Variants in PRSS55 observed in about 807,000 individuals in gnomAD.
PRSS55 encodes the protein probable serine protease UNQ9391/PRO34284.
Under a neutral mutation model 23.6 loss-of-function variants are expected in PRSS55, and 41 were observed. That is an observed-to-expected ratio of 1.74 (90% CI 1.35 to 2.26). PRSS55 has a LOEUF of 2.26. Among genes scored for constraint, PRSS55 ranks in the 30% most tolerant of loss-of-function variants. PRSS55 has a pLI of 0.00. For missense variants in PRSS55, 669 were observed against 439.1 expected (o/e 1.52, Z -4.68); for synonymous variants, 262 against 175.5 (o/e 1.49, Z -3.90).
intron 2 of PRSS55, among the ~76,000 whole-genome samples, chr8:10,530,747 T>A (rs1038926525): frequency 1.3e-5 from 2 of 152,180 alleles, no homozygotes; most frequent in African/African-American, 2.4e-5. Flanking sequence ...AGTTTCTTCA[T>A]GGCATAACCA....
chr8:10,538,550 G>A lies in PRSS55; in HGVS notation c.816G>A (p.Trp272Ter). 2 of 1,614,122 alleles carry A rather than the reference G, an allele frequency of 1.2e-6. No homozygotes were observed. Among genetic ancestry groups the A allele is most frequent in the Non-Finnish European group, 1.7e-6 (2 of 1,179,990 alleles). The change falls in exon 5 of 5, where the codon TGG (tryptophan) becomes TGA (stop). Residue 272 changes from tryptophan to a stop codon, truncating the protein, a stop_gained. Transcript: ENST00000328655. LOFTEE classifies it low-confidence loss of function (END_TRUNC). ...EKWYQVGIIS[W>*]GKSCGEKNTP... ...GGTACCAGGTGGGCATCATAAGCTGGGGAAAGAGCTGTGGAGAGAAGAACA... is the reference window on the plus strand; with the variant it reads ...GGTACCAGGTGGGCATCATAAGCTGAGGAAAGAGCTGTGGAGAGAAGAACA...
chr8:10,538,656 G>T lies in PRSS55; in HGVS notation c.922G>T (p.Ala308Ser). ...VTQLEGRPFN[A>S]EKRRTSVKQK... is the part of the protein sequence containing the mutation. The stretch of plus-strand genomic sequence containing the variant: ...CCAGCTAGAGGGCAGGCCCTTCAAT[G>T]CAGAGAAAAGGAGGACTTCTGTCAA... Residue 308 changes from alanine (A) to serine (S), a missense_variant, in exon 5 of 5, where the codon GCA (alanine) becomes TCA (serine). Coordinates refer to ENST00000328655, the MANE Select transcript of PRSS55 (RefSeq NM_198464.4). 1 of 1,614,168 alleles carries T rather than the reference G, an allele frequency of 6.2e-7. No individual in the cohort carries two copies. Among genetic ancestry groups the T allele is most frequent in the Non-Finnish European group, 8.5e-7 (1 of 1,180,038 alleles).
chr8:10,543,460 C>CTT (rs1812723606), downstream of PRSS55, among the ~76,000 whole-genome samples: 9 of 17,286 alleles, frequency 5.2e-4, no homozygotes, highest in Middle Eastern at 0.13. Flanking sequence ...TCCTTCCTTC[C>CTT]TTCCTTTCTT....
chr8:10,534,994 G>C (rs1226376397), intron 4 of PRSS55, among the ~76,000 whole-genome samples: 1 of 152,046 alleles, frequency 6.6e-6, no homozygotes, highest in African/African-American at 2.4e-5. Flanking sequence ...AAAATATCTA[G>C]GAATACAGAC....
At chr8:10,534,308 G>A (rs1203852199) in intron 4 of PRSS55, among the ~76,000 whole-genome samples, 1 of 152,146 alleles carries the variant, frequency 6.6e-6, no homozygotes, top group Non-Finnish European at 1.5e-5. Flanking sequence ...GAGATCCTCA[G>A]GTATTTCTTT....
chr8:10,542,792 G>T (rs985986473), downstream of PRSS55, among the ~76,000 whole-genome samples: 2 of 147,658 alleles, frequency 1.4e-5, no homozygotes, highest in Admixed American at 7.0e-5. Flanking sequence ...AGAATCGCTT[G>T]AACCCGGGAG....
At chr8:10,527,207 T>C (rs531147996) in intron 1 of PRSS55, among the ~76,000 whole-genome samples, 2 of 152,372 alleles carry the variant, frequency 1.3e-5, no homozygotes, top group South Asian at 4.1e-4. Flanking sequence ...AGCCTAACTT[T>C]GTGGCTGAGA....
At chr8:10,526,762 G>A (rs1040251220) in intron 1 of PRSS55, among the ~76,000 whole-genome samples, 4 of 152,226 alleles carry the variant, frequency 2.6e-5, no homozygotes, top group African/African-American at 7.2e-5. Context: ...TTTGGTGCAA[G>A]CACTTGTTGG....
In PRSS55 at chr8:10,538,613, C is replaced by G. The variant is rs73195184; in HGVS notation, c.879C>G (p.Leu293=). The G allele has an allele frequency of 1.2e-6, 2 of 1,614,144 alleles. No individual in the cohort carries two copies. Among genetic ancestry groups the G allele is most frequent in the East Asian group, 4.5e-5 (2 of 44,878 alleles). ...GIYTSLVNYN[L]WIEKVTQLEG... ...ACACCTCGTTGGTGAACTACAACCT[C>G]TGGATCGAGAAAGTGACCCAGCTAG... Residue 293 remains leucine (L), a synonymous_variant, in exon 5 of 5, where the codon CTC becomes CTG. Coordinates refer to ENST00000328655, the MANE Select transcript of PRSS55 (RefSeq NM_198464.4).
chr8:10,534,293 G>C (rs144466130), intron 4 of PRSS55, among the ~76,000 whole-genome samples: 74 of 152,312 alleles, frequency 4.9e-4, no homozygotes, highest in Middle Eastern at 3.4e-3. Context: ...AAAGTGGCCT[G>C]GCTGGAGATC....
chr8:10,542,003 C>A (rs886249841), downstream of PRSS55, among the ~76,000 whole-genome samples: 8 of 152,176 alleles, frequency 5.3e-5, no homozygotes, highest in African/African-American at 1.9e-4. Context: ...TCTCAAACTC[C>A]TGGGCTCAAG....
At position 10,532,957 on chromosome 8, in the gene PRSS55, T is replaced by A; in HGVS notation, c.650T>A (p.Met217Lys). 6.2e-7 allele frequency: 1 copy of A among 1,614,174 alleles called. No homozygotes were observed. Among genetic ancestry groups the A allele is most frequent in the Non-Finnish European group, 8.5e-7 (1 of 1,180,010 alleles). ...TDLMKAPMVI[M>K]DWEECSKMFP... ...CTGATGAAAGCGCCAATGGTCATCA[T>A]GGACTGGGAGGAGTGTTCAAAGATG... The change falls in exon 4 of 5, where the codon ATG becomes AAG. Residue 217 changes from methionine (M) to lysine (K), a missense_variant. Transcript: ENST00000328655.
rs765401698 is a variant in PRSS55 at position 10,538,483 on chromosome 8, G to A, written c.749G>A (p.Ser250Asn). Reference protein sequence around the residue: ...NESYDACKGDSGGPLVCTPEP... With the variant: ...NESYDACKGDNGGPLVCTPEP... ...TGTGTTCTCTGCCCACAGGGTGACA[G>A]TGGGGGGCCTCTGGTCTGCACCCCA... Residue 250 changes from serine (S) to asparagine (N), a missense_variant, in exon 5 of 5, where the codon AGT becomes AAT. Physicochemically the swap from Ser to Asn is conservative, Grantham distance 46. Coordinates refer to ENST00000328655, the MANE Select transcript of PRSS55 (RefSeq NM_198464.4). The A allele has an allele frequency of 2.0e-5, 33 of 1,612,454 alleles. No homozygotes were observed. Among genetic ancestry groups the A allele is most frequent in the Non-Finnish European group, 2.7e-5 (32 of 1,179,246 alleles).
rs1028277715 is a variant in PRSS55, at chr8:10,545,078, T to G, written c.742-8865T>G. 5 of 899,684 alleles carry G rather than the reference T, an allele frequency of 5.6e-6. No individual in the cohort carries two copies. The African/African-American group carries it at 7.2e-5, about 13-fold the overall frequency. 55.7% of individuals were successfully genotyped at this position (899,684 alleles called of 1,614,324 possible). A position where few individuals can be genotyped will look rare whatever the true frequency, so the allele number is the denominator to read the frequency against. On this transcript the variant is annotated intron_variant, in intron 4 of 4. Coordinates refer to the PRSS55 transcript ENST00000522210. ...ATCTGTGAGGAAAAAGACCAGGGCT[T>G]TTGGTTTTTGGTTTTGCTTCGAAAT...
chr8:10,530,710 T>C (rs1251871819), intron 2 of PRSS55, among the ~76,000 whole-genome samples: 3 of 152,150 alleles, frequency 2.0e-5, no homozygotes, highest in Non-Finnish European at 4.4e-5. Context: ...ACACTGATTT[T>C]AGAAGGTTAA....
chr8:10,531,820 GC>G (rs1812277463), intron 3 of PRSS55: 5 of 470,664 alleles, frequency 1.1e-5, no homozygotes, highest in South Asian at 5.4e-5. Flanking sequence ...TTAGCCAGAG[GC>G]CCCTCTACTC....
chr8:10,530,482 A>G (rs897268374), intron 2 of PRSS55, among the ~76,000 whole-genome samples: 1 of 152,248 alleles, frequency 6.6e-6, no homozygotes, highest in Non-Finnish European at 1.5e-5. Flanking sequence ...TCTCAAAAAA[A>G]GAAAAATAAA....
At position 10,554,079 on chromosome 8, in the gene PRSS55, A is replaced by G. The variant is rs1283552448; in HGVS notation, c.*47A>G. The G allele has an allele frequency of 3.1e-6, 4 of 1,288,598 alleles. No individual in the cohort carries two copies. The South Asian group carries it at 4.2e-5, about 13-fold the overall frequency. The allele number at this position is 1,288,598 out of a possible 1,614,324, so 79.8% of individuals were successfully genotyped here. A position where few individuals can be genotyped will look rare whatever the true frequency, so the allele number is the denominator to read the frequency against. On this transcript the variant is annotated 3_prime_UTR_variant, in exon 5 of 5. Transcript: ENST00000522210. ...TGGAGCCATTTTTGGGGCAGAAAAC[A>G]TACCCTTGGGCATAGCCTTGAGTTG...
At position 10,533,974 on chromosome 8, in the gene PRSS55, G is replaced by A. The variant is rs555437568; in HGVS notation, c.741+926G>A. ...GGGTTGGAGGCAGAAAGGGAAAAGA[G>A]AAAGGAGAAGGCATTCTGAGGTAAG... On this transcript the variant is annotated intron_variant, in intron 4 of 4. Transcript: ENST00000328655. Among the ~76,000 whole-genome samples the A allele has an allele frequency of 1.2e-3, 190 of 152,320 alleles. 1 individual carries two copies. The highest frequency in any genetic ancestry group is 2.2e-3 in the Non-Finnish European group (148 of 68,020).
Sources: allele counts gnomAD v4.1 joint callset (sites outside exome capture counted in the v4.1 genomes callset), GRCh38; gene constraint gnomAD v4.1.1; transcripts MANE v1.5; gene names NCBI Gene and HGNC (gene_info 2026-07-23, HGNC 2026-07-21).